CAMK1D: variants seen among roughly 807,000 people sequenced by gnomAD.
CAMK1D encodes the protein calcium/calmodulin-dependent protein kinase type 1D.
Under a neutral mutation model 47.7 loss-of-function variants are expected in CAMK1D, and 9 were observed. The observed-to-expected ratio is 0.19, with a 90% CI of 0.11 to 0.33. CAMK1D has a LOEUF of 0.33. Among genes scored for constraint, CAMK1D ranks in the 10% least tolerant of loss-of-function variants. The pLI is 1.00. For missense variants in CAMK1D, 291 were observed against 488.7 expected, an observed-to-expected ratio of 0.60 and a Z score of 3.81; for synonymous variants, 184 against 184.9, an observed-to-expected ratio of 0.99 and a Z score of 0.04.
chr10:12,758,885 G>C (rs7084588), intron 3 of CAMK1D, among the ~76,000 whole-genome samples: 5 of 152,034 alleles, frequency 3.3e-5, no homozygotes, highest in Admixed American at 3.3e-4. Flanking sequence ...AAGCCCTGGA[G>C]ACAGCAGTTA....
At chr10:12,400,543 G>A (rs947370223) in intron 1 of CAMK1D, among the ~76,000 whole-genome samples, 14 of 152,114 alleles carry the variant, frequency 9.2e-5, no homozygotes, top group African/African-American at 2.9e-4. Flanking sequence ...CTGATTTCAC[G>A]TAGCTTAAAC....
intron 1 of CAMK1D, among the ~76,000 whole-genome samples, chr10:12,449,268 A>G (rs374637707): frequency 1.7e-4 from 26 of 152,146 alleles, no homozygotes; most frequent in African/African-American, 5.8e-4. Context: ...AACCTCCCCA[A>G]GCTGAGTGGG....
chr10:12,566,740 G>A (rs543773826), intron 2 of CAMK1D, among the ~76,000 whole-genome samples: 1 of 152,318 alleles, frequency 6.6e-6, no homozygotes, highest in South Asian at 2.1e-4. Flanking sequence ...ATGCGGGAAA[G>A]TAACTCTTCC....
chr10:12,409,293 C>T (rs1200993755), intron 1 of CAMK1D, among the ~76,000 whole-genome samples: 1 of 151,948 alleles, frequency 6.6e-6, no homozygotes, highest in Non-Finnish European at 1.5e-5. Flanking sequence ...GGCGCCTACA[C>T]TCATGATTGG....
At chr10:12,403,731 A>G (rs573368326) in intron 1 of CAMK1D, among the ~76,000 whole-genome samples, 1 of 152,198 alleles carries the variant, frequency 6.6e-6, no homozygotes, top group Non-Finnish European at 1.5e-5. Context: ...TAATTTTATT[A>G]ATAATAATTT....
rs1588932264 is a variant in CAMK1D, at chr10:12,791,015, AG to A, written c.566-142del. 7.8e-6 allele frequency: 5 copies of A among 637,286 alleles called. No individual in the cohort carries two copies. In the East Asian group the frequency reaches 1.4e-4, roughly 18 times the overall value. 39.5% of individuals were successfully genotyped at this position (637,286 alleles called of 1,614,324 possible). ...TATCTTCCTTCCTTTAAAAAAAAAA[AG>A]CCAACACATAAAATGGGTTATGTCT... On this transcript the variant is annotated intron_variant, in intron 5 of 10. Coordinates refer to ENST00000619168, the MANE Select transcript of CAMK1D (RefSeq NM_153498.4).
intron 5 of CAMK1D, among the ~76,000 whole-genome samples, chr10:12,783,994 G>A (rs546769145): frequency 1.3e-5 from 2 of 152,086 alleles, no homozygotes; most frequent in Non-Finnish European, 2.9e-5. Context: ...AGGCTGAGTG[G>A]TTTACATGGA....
chr10:12,643,784 T>C (rs1313789290), intron 2 of CAMK1D, among the ~76,000 whole-genome samples: 2 of 151,568 alleles, frequency 1.3e-5, no homozygotes, highest in Non-Finnish European at 2.9e-5. Context: ...CTCAGGTGGC[T>C]GAGGCACGAG....
intron 1 of CAMK1D, among the ~76,000 whole-genome samples, chr10:12,489,378 G>A (rs1329544079): frequency 6.6e-6 from 1 of 152,216 alleles, no homozygotes; most frequent in Non-Finnish European, 1.5e-5. Context: ...GGCAGGAGAG[G>A]AGGCTCAAGA....
intron 3 of CAMK1D, among the ~76,000 whole-genome samples, chr10:12,697,456 T>C (rs1051818505): frequency 1.3e-5 from 2 of 152,196 alleles, no homozygotes; most frequent in African/African-American, 4.8e-5. Flanking sequence ...TGGAGTGCAA[T>C]GGCTCAATCT....
At chr10:12,589,673 A>G (rs1292807770) in intron 2 of CAMK1D, among the ~76,000 whole-genome samples, 6 of 152,110 alleles carry the variant, frequency 3.9e-5, no homozygotes, top group Non-Finnish European at 8.8e-5. Context: ...AGCTCCTCCA[A>G]CACAGGGAGT....
chr10:12,503,541 T>C (rs1834771323), intron 1 of CAMK1D, among the ~76,000 whole-genome samples: 1 of 152,102 alleles, frequency 6.6e-6, no homozygotes, highest in Non-Finnish European at 1.5e-5. Context: ...AAGAGCGGGC[T>C]CCCAGGGAGA....
chr10:12,433,303 T>C (rs900487659), intron 1 of CAMK1D, among the ~76,000 whole-genome samples: 5 of 152,172 alleles, frequency 3.3e-5, no homozygotes, highest in Non-Finnish European at 5.9e-5. Flanking sequence ...CCCTCCCTCC[T>C]GCAGACCCCA....
chr10:12,690,406 A>C (rs963614585), intron 3 of CAMK1D, among the ~76,000 whole-genome samples: 4 of 152,188 alleles, frequency 2.6e-5, no homozygotes, highest in African/African-American at 9.7e-5. Flanking sequence ...CAGCCTGTAG[A>C]AGGGAGGGCG....
At chr10:12,452,351 C>T (rs994314897) in intron 1 of CAMK1D, among the ~76,000 whole-genome samples, 10 of 151,774 alleles carry the variant, frequency 6.6e-5, no homozygotes, top group African/African-American at 2.4e-4. Flanking sequence ...CCCCTTTCTT[C>T]CTTTCATTTA....
intron 1 of CAMK1D, among the ~76,000 whole-genome samples, chr10:12,428,914 G>A (rs559730682): frequency 1.3e-5 from 2 of 152,284 alleles, no homozygotes; most frequent in East Asian, 3.9e-4. Flanking sequence ...ACCCAGAAGA[G>A]GGCGCTCACC....
chr10:12,677,342 T>C (rs1267821983), intron 3 of CAMK1D, among the ~76,000 whole-genome samples: 1 of 152,168 alleles, frequency 6.6e-6, no homozygotes, highest in African/African-American at 2.4e-5. Flanking sequence ...TATTTATATA[T>C]AAATTACCAA....
intron 2 of CAMK1D, among the ~76,000 whole-genome samples, chr10:12,624,521 C>G (rs955898898): frequency 2.6e-5 from 4 of 152,154 alleles, no homozygotes; most frequent in Non-Finnish European, 5.9e-5. Context: ...GTGACCGGCC[C>G]ATTTCACTCA....
At position 12,660,430 on chromosome 10, in the gene CAMK1D, G is replaced by A. The variant is rs144409566; in HGVS notation, c.225-6306G>A. 4.6e-3 allele frequency among the ~76,000 whole-genome samples: 702 copies of A among 152,258 alleles called. 3 individuals are homozygous for A. The highest frequency in any genetic ancestry group is 0.016 in the African/African-American group (645 of 41,556). ...TCCTGATGTTCCCTTACAAAGCTTG[G>A]GGGCTTTGTAACGGGGCCTGTTTGT... On this transcript the variant is annotated intron_variant, in intron 2 of 10. Coordinates refer to ENST00000619168, the MANE Select transcript of CAMK1D (RefSeq NM_153498.4).
Sources: gnomAD v4.1 joint callset for allele counts (sites outside exome capture counted in the v4.1 genomes callset) on GRCh38, gnomAD v4.1.1 for gene constraint, MANE v1.5 for transcripts, NCBI Gene and HGNC (gene_info 2026-07-23, HGNC 2026-07-21) for gene names.